The following ITPR2 variants were observed in gnomAD, a reference collection of about 807,000 sequenced individuals.
ITPR2 encodes inositol 1,4,5-trisphosphate receptor type 2.
ITPR2 carries 207 observed loss-of-function variants against 317.1 expected under a neutral mutation model. That is an observed-to-expected ratio of 0.65 (90% CI 0.58 to 0.73). ITPR2 has a LOEUF of 0.73. Ranked by LOEUF, ITPR2 falls within the 30% of genes least tolerant of loss-of-function variation. The pLI is 0.00. For synonymous variants in ITPR2, 1,156 were observed against 1,149.1 expected (o/e 1.01, Z -0.12); for missense variants, 2,613 against 3,284.0 (o/e 0.80, Z 4.99).
chr12:26,442,268 G>A (rs1032960265), intron 46 of ITPR2, among the ~76,000 whole-genome samples: 17 of 152,128 alleles, frequency 1.1e-4, no homozygotes, highest in African/African-American at 2.9e-4. Flanking sequence ...TCCTGAAATC[G>A]CTCAGGCACC....
chr12:26,363,216 T>G (rs1226336847), intron 55 of ITPR2, among the ~76,000 whole-genome samples: 1 of 152,192 alleles, frequency 6.6e-6, no homozygotes, highest in Non-Finnish European at 1.5e-5. Flanking sequence ...AACTGTGCAT[T>G]TGAGGGATCT....
intron 37 of ITPR2, among the ~76,000 whole-genome samples, chr12:26,527,378 A>C (rs1292743398): frequency 1.3e-5 from 2 of 152,230 alleles, no homozygotes; most frequent in Admixed American, 1.3e-4. Flanking sequence ...AGAATGCCTA[A>C]AAGTGTCATC....
At chr12:26,473,382 A>T (rs1168083596) in intron 45 of ITPR2, among the ~76,000 whole-genome samples, 1 of 152,150 alleles carries the variant, frequency 6.6e-6, no homozygotes. Context: ...CTCCAGGGCA[A>T]GCTTAGCTCA....
chr12:26,752,846 C>A (rs1240632006), intron 2 of ITPR2, among the ~76,000 whole-genome samples: 3 of 152,118 alleles, frequency 2.0e-5, no homozygotes, highest in Non-Finnish European at 4.4e-5. Flanking sequence ...CAAAAGCTAA[C>A]TTTAGGGTAA....
chr12:26,680,117 C>A (rs1948000651), intron 13 of ITPR2, among the ~76,000 whole-genome samples: 1 of 151,964 alleles, frequency 6.6e-6, no homozygotes, highest in Non-Finnish European at 1.5e-5. Context: ...ATCCCATATA[C>A]TATACATGTC....
chr12:26,578,546 A>C lies in ITPR2; in HGVS notation c.4630+167T>G, dbSNP rs78309380. 4.7e-3 allele frequency among the ~76,000 whole-genome samples: 719 copies of C among 152,314 alleles called. 16 individuals are homozygous for C. The highest frequency in any genetic ancestry group is 0.032 in the Admixed American group (485 of 15,304). ...TAATGATTATATCCTCCTCCCAAAA[A>C]GTATGCAACATTCAGAATCATTTGC... is the stretch of plus-strand genomic sequence containing the variant. On this transcript the variant is annotated intron_variant, in intron 34 of 56. Transcript: ENST00000381340.
chr12:26,768,624 G>A (rs1463182841), intron 2 of ITPR2, among the ~76,000 whole-genome samples: 2 of 132,754 alleles, frequency 1.5e-5, no homozygotes, highest in African/African-American at 3.0e-5. Context: ...TGTTCCTCTA[G>A]CAAGCATTTC....
chr12:26,432,076 G>A (rs1941226005), intron 48 of ITPR2, among the ~76,000 whole-genome samples: 2 of 151,928 alleles, frequency 1.3e-5, no homozygotes, highest in Non-Finnish European at 2.9e-5. Context: ...TTCCCCAAAT[G>A]TCAACACCTC....
In ITPR2 at chr12:26,716,251, CAGAAATA is replaced by C; in HGVS notation, c.526-16_526-10del. The C allele has an allele frequency of 6.3e-7, 1 of 1,581,618 alleles. No homozygotes were observed. Among genetic ancestry groups the C allele is most frequent in the Non-Finnish European group, 8.7e-7 (1 of 1,151,520 alleles). ...TTATCTCCTACAACAATCTAGGAAG[CAGAAATA>C]AATCACAATTGAGACACTGCATGGA... On this transcript the variant is annotated splice_polypyrimidine_tract_variant and intron_variant, in intron 5 of 56. Coordinates refer to ENST00000381340, the MANE Select transcript of ITPR2 (RefSeq NM_002223.4).
At chr12:26,587,505 G>A (rs1945561717) in intron 32 of ITPR2, among the ~76,000 whole-genome samples, 1 of 152,266 alleles carries the variant, frequency 6.6e-6, no homozygotes, top group African/African-American at 2.4e-5. Flanking sequence ...CAGTTGCTGA[G>A]ATAGGAATGC....
At chr12:26,515,052 G>A (rs1192518143) in intron 37 of ITPR2, among the ~76,000 whole-genome samples, 4 of 152,076 alleles carry the variant, frequency 2.6e-5, no homozygotes, top group African/African-American at 9.7e-5. Context: ...TTCTACCTCA[G>A]TAGCAAAATA....
intron 32 of ITPR2, among the ~76,000 whole-genome samples, chr12:26,585,625 G>A (rs541361791): frequency 4.6e-5 from 7 of 152,084 alleles, no homozygotes; most frequent in Non-Finnish European, 1.0e-4. Flanking sequence ...GGCTGGTCTC[G>A]AACTCCTGGG....
chr12:26,458,572 G>T (rs1941942842), intron 45 of ITPR2, among the ~76,000 whole-genome samples: 1 of 152,072 alleles, frequency 6.6e-6, no homozygotes, highest in South Asian at 2.1e-4. Flanking sequence ...TAAACACGAG[G>T]GCGTCATCAA....
At chr12:26,556,556 AT>A (rs11312773) in intron 35 of ITPR2, among the ~76,000 whole-genome samples, 181 bp from the exon 36 acceptor site, 10,349 of 133,800 alleles carry the variant, frequency 0.077, 1,006 homozygotes, top group East Asian at 0.43. Context: ...CTGGGTCTCT[AT>A]TTTTTTTTTT....
At chr12:26,660,755 A>G (rs192281899) in intron 15 of ITPR2, among the ~76,000 whole-genome samples, 25 of 152,260 alleles carry the variant, frequency 1.6e-4, no homozygotes, top group Middle Eastern at 6.8e-3. Flanking sequence ...ATACTCTGGT[A>G]CAAGGCAAAC....
chr12:26,347,375 A>C (rs1211711580), intron 55 of ITPR2, among the ~76,000 whole-genome samples: 12 of 152,224 alleles, frequency 7.9e-5, no homozygotes, highest in Admixed American at 7.9e-4. Flanking sequence ...GTGGTTCTAC[A>C]TCATAGTAAT....
In ITPR2 at chr12:26,761,266, A is replaced by G. The variant is rs73296590; in HGVS notation, c.163+28891T>C. On this transcript the variant is annotated intron_variant, in intron 2 of 56. Coordinates refer to ENST00000381340, the MANE Select transcript of ITPR2 (RefSeq NM_002223.4). ...GAGAAATCCACCAGACAGCCCATCA[A>G]GAATCTCTGGACGGGCTGATTGGTG... 5.0e-3 allele frequency among the ~76,000 whole-genome samples: 765 copies of G among 152,356 alleles called. 10 individuals are homozygous for G. The highest frequency in any genetic ancestry group is 0.018 in the African/African-American group (740 of 41,570).
intron 26 of ITPR2, among the ~76,000 whole-genome samples, chr12:26,605,842 T>A (rs1042504102): frequency 6.6e-6 from 1 of 152,192 alleles, no homozygotes; most frequent in Non-Finnish European, 1.5e-5. Context: ...AGAAAATAAT[T>A]CAATTTAATT....
At chr12:26,395,279 A>G (rs1466795843) in intron 54 of ITPR2, among the ~76,000 whole-genome samples, 2 of 152,148 alleles carry the variant, frequency 1.3e-5, no homozygotes, top group African/African-American at 4.8e-5. Context: ...ATAAAAGGTC[A>G]GCGGGAAGTT....
Sources: allele counts gnomAD v4.1 joint callset (sites outside exome capture counted in the v4.1 genomes callset), GRCh38; gene constraint gnomAD v4.1.1; transcripts MANE v1.5; gene names NCBI Gene and HGNC (gene_info 2026-07-23, HGNC 2026-07-21).